Variants in PCSK5 observed in about 807,000 individuals in gnomAD.
The protein encoded by PCSK5 is prohormone convertase 5.
In PCSK5, 129 loss-of-function variants were observed where a neutral mutation model predicts 233.2. The observed-to-expected ratio is 0.55, with a 90% CI of 0.48 to 0.64. PCSK5 has a LOEUF of 0.64. Ranked by LOEUF, PCSK5 falls within the 30% of genes least tolerant of loss-of-function variation. The probability of loss-of-function intolerance (pLI) is 0.00; values close to 1 mark genes in which losing one functional copy is unlikely to be tolerated. For synonymous variants in PCSK5, 825 were observed against 879.2 expected (o/e 0.94, Z 1.09); for missense variants, 2,076 against 2,430.1 (o/e 0.85, Z 3.06).
At chr9:76,196,904 G>A (rs903744245) in intron 20 of PCSK5, among the ~76,000 whole-genome samples, 38 of 152,136 alleles carry the variant, frequency 2.5e-4, no homozygotes, top group African/African-American at 8.4e-4. Context: ...ACAATTAACA[G>A]CAAGTAGTAC....
intron 11 of PCSK5, among the ~76,000 whole-genome samples, chr9:76,157,622 G>T (rs1472271961): frequency 6.6e-6 from 1 of 151,870 alleles, no homozygotes; most frequent in African/African-American, 2.4e-5. Flanking sequence ...TGCTGACAGG[G>T]TTTGCCAACA....
chr9:75,903,046 A>G (rs1415666099), intron 1 of PCSK5, among the ~76,000 whole-genome samples: 1 of 152,216 alleles, frequency 6.6e-6, no homozygotes, highest in Non-Finnish European at 1.5e-5. Context: ...CACATAGTCT[A>G]CTTTCCATCT....
intron 7 of PCSK5, among the ~76,000 whole-genome samples, chr9:76,075,715 ATGAC>A (rs1361831132): frequency 6.6e-6 from 1 of 152,246 alleles, no homozygotes; most frequent in African/African-American, 2.4e-5. Context: ...GAAGAAATAA[ATGAC>A]TGATAAAATA....
At chr9:76,295,527 TG>T in intron 26 of PCSK5, 116 bp downstream of exon 26, 1 of 837,026 alleles carries the variant, frequency 1.2e-6, no homozygotes, top group Non-Finnish European at 1.9e-6. Flanking sequence ...TGGGCACCTC[TG>T]GCCCAAGGAG....
intron 30 of PCSK5, among the ~76,000 whole-genome samples, chr9:76,321,207 T>C (rs1477287029): frequency 7.2e-5 from 11 of 152,128 alleles, no homozygotes; most frequent in Admixed American, 7.2e-4. Flanking sequence ...AATACTGGGG[T>C]CCCAAGATTT....
In PCSK5 at chr9:76,251,313, C is replaced by T. The variant is rs570178280; in HGVS notation, c.3142+10629C>T. Among the ~76,000 whole-genome samples the T allele has an allele frequency of 3.6e-4, 54 of 151,894 alleles. 1 individual carries two copies. Among genetic ancestry groups the T allele is most frequent in the African/African-American group, 1.2e-3 (51 of 41,406 alleles). On this transcript the variant is annotated intron_variant, in intron 24 of 37. Transcript: ENST00000674117. ...GCGCGGTGGCTCACGCCTGTAATCCCAGCACTTTGGGAGGCCAAGGCGGGT... is the reference window on the plus strand; with the variant it reads ...GCGCGGTGGCTCACGCCTGTAATCCTAGCACTTTGGGAGGCCAAGGCGGGT...
chr9:75,942,115 C>T (rs1458478390), intron 2 of PCSK5, among the ~76,000 whole-genome samples: 1 of 152,324 alleles, frequency 6.6e-6, no homozygotes, highest in Non-Finnish European at 1.5e-5. Flanking sequence ...ACCGGGCATG[C>T]GCCAAAGCGT....
chr9:76,030,563 A>G (rs1182578224), intron 5 of PCSK5, among the ~76,000 whole-genome samples: 2 of 149,610 alleles, frequency 1.3e-5, no homozygotes, highest in Non-Finnish European at 3.0e-5. Context: ...ACAATTTTAT[A>G]ACACATACTA....
chr9:76,272,467 T>C (rs1185441023), intron 24 of PCSK5, among the ~76,000 whole-genome samples: 2 of 151,990 alleles, frequency 1.3e-5, no homozygotes, highest in Non-Finnish European at 2.9e-5. Flanking sequence ...TGACTTCCCA[T>C]GGCCGTGGAT....
chr9:76,277,494 C>T (rs944272491), intron 24 of PCSK5, among the ~76,000 whole-genome samples: 2 of 152,192 alleles, frequency 1.3e-5, no homozygotes, highest in African/African-American at 4.8e-5. Context: ...AGACTGAACC[C>T]TCTTTAGCCA....
At chr9:75,956,834 G>A (rs1249510907) in intron 2 of PCSK5, among the ~76,000 whole-genome samples, 2 of 151,530 alleles carry the variant, frequency 1.3e-5, no homozygotes, top group Admixed American at 1.3e-4. Flanking sequence ...TTCTCCTATA[G>A]GAATTCCTCC....
chr9:76,051,410 A>C (rs565247423), intron 5 of PCSK5, among the ~76,000 whole-genome samples: 3 of 152,210 alleles, frequency 2.0e-5, no homozygotes, highest in Non-Finnish European at 4.4e-5. Flanking sequence ...TGAATTATTT[A>C]GACTTGAGAA....
chr9:76,069,141 G>A (rs1280108059), intron 6 of PCSK5, among the ~76,000 whole-genome samples: 3 of 152,040 alleles, frequency 2.0e-5, no homozygotes, highest in Non-Finnish European at 4.4e-5. Flanking sequence ...TAATTAGCGG[G>A]GAGCATCTGC....
chr9:76,324,467 G>A (rs137877866), intron 32 of PCSK5, among the ~76,000 whole-genome samples: 157 of 152,194 alleles, frequency 1.0e-3, no homozygotes, highest in Non-Finnish European at 1.7e-3. Flanking sequence ...CTGATCTCAA[G>A]TGATCCGCCC....
chr9:75,932,270 AC>A (rs1334539749), intron 1 of PCSK5, 108 bp from the exon 2 acceptor site: 2 of 674,356 alleles, frequency 3.0e-6, no homozygotes, highest in South Asian at 1.9e-5. Context: ...TAATTTATGG[AC>A]CTTTTTTGTT....
At chr9:75,898,585 C>T (rs977134873) in intron 1 of PCSK5, among the ~76,000 whole-genome samples, 8 of 151,342 alleles carry the variant, frequency 5.3e-5, no homozygotes, top group African/African-American at 1.9e-4. Context: ...ATGGGCAGTC[C>T]ACCAGTTGGG....
At chr9:76,162,982 TG>T (rs1195458671) in intron 12 of PCSK5, among the ~76,000 whole-genome samples, 1 of 152,198 alleles carries the variant, frequency 6.6e-6, no homozygotes, top group Non-Finnish European at 1.5e-5. Context: ...AACCAGAATC[TG>T]GAGGCTCACT....
chr9:76,332,236 G>T (rs1780471417), intron 33 of PCSK5, among the ~76,000 whole-genome samples, 197 bp from the exon 34 acceptor site: 1 of 152,128 alleles, frequency 6.6e-6, no homozygotes, highest in African/African-American at 2.4e-5. Context: ...TGTTTTCCTT[G>T]TATTCCTCAT....
At position 75,986,218 on chromosome 9, in the gene PCSK5, T is replaced by C. The variant is rs1826507698; in HGVS notation, c.384T>C (p.Asp128=). The C allele has an allele frequency of 8.1e-6, 13 of 1,611,878 alleles. No individual in the cohort carries two copies. The highest frequency in any genetic ancestry group is 1.0e-5 in the Non-Finnish European group (12 of 1,178,052). ...GTGCCCAGTCTACCTATTTCAATGATCCCAAGTGGCCCAGCATGTGGTATA... is the reference window on the plus strand; with the variant it reads ...GTGCCCAGTCTACCTATTTCAATGACCCCAAGTGGCCCAGCATGTGGTATA... The part of the protein sequence containing the change: ...FSRAQSTYFN[D]PKWPSMWYMH... Residue 128 remains aspartate, a synonymous_variant, in exon 3 of 38, where the codon GAT becomes GAC. Coordinates refer to ENST00000674117, the MANE Select transcript of PCSK5 (RefSeq NM_001372043.1).
Sources: gnomAD v4.1 joint callset for allele counts (sites outside exome capture counted in the v4.1 genomes callset) on GRCh38, gnomAD v4.1.1 for gene constraint, MANE v1.5 for transcripts, NCBI Gene and HGNC (gene_info 2026-07-23, HGNC 2026-07-21) for gene names.